Variants in PHF21B observed in about 807,000 individuals in gnomAD.
PHF21B encodes PHD finger protein 21B, also known as PHD finger protein 4.
Under a neutral mutation model 62.2 loss-of-function variants are expected in PHF21B, and 22 were observed. The observed-to-expected ratio is 0.35, with a 90% CI of 0.25 to 0.51. The LOEUF is 0.51. PHF21B is among the 20% of genes least tolerant of loss of function. PHF21B has a pLI of 0.97. For missense variants in PHF21B, 701 were observed against 707.9 expected (o/e 0.99, Z 0.11); for synonymous variants, 341 against 314.7 (o/e 1.08, Z -0.88).
chr22:44,903,204 C>T (rs114762803), intron 5 of PHF21B, among the ~76,000 whole-genome samples: 5,401 of 152,276 alleles, frequency 0.035, 292 homozygotes, highest in African/African-American at 0.12. Context: ...TCACCTGACC[C>T]AGCCCTGTCT....
At chr22:44,980,064 GTC>G (rs2072810479) in intron 2 of PHF21B, among the ~76,000 whole-genome samples, 1 of 57,946 alleles carries the variant, frequency 1.7e-5, no homozygotes, top group African/African-American at 8.1e-5. Context: ...GCAAGACTTC[GTC>G]TCAAAAAAAA....
At chr22:44,989,943 G>A (rs1050648197) in intron 2 of PHF21B, among the ~76,000 whole-genome samples, 8 of 152,168 alleles carry the variant, frequency 5.3e-5, no homozygotes, top group Admixed American at 3.3e-4. Flanking sequence ...CGTGTTTAAC[G>A]CCAATGCAAA....
intron 2 of PHF21B, among the ~76,000 whole-genome samples, chr22:44,975,453 C>T (rs2072719346): frequency 1.3e-5 from 2 of 152,230 alleles, no homozygotes; most frequent in African/African-American, 2.4e-5. Context: ...TCCCTCTAGG[C>T]CTGGTGACAT....
At chr22:44,952,716 T>C (rs1466885008) in intron 2 of PHF21B, among the ~76,000 whole-genome samples, 1 of 152,204 alleles carries the variant, frequency 6.6e-6, no homozygotes, top group Non-Finnish European at 1.5e-5. Context: ...GAGAAGAGTA[T>C]AAGAGTCTGA....
intron 2 of PHF21B, among the ~76,000 whole-genome samples, chr22:44,955,863 G>C (rs1479155260): frequency 6.6e-6 from 1 of 152,190 alleles, no homozygotes; most frequent in African/African-American, 2.4e-5. Flanking sequence ...ACTGATGTGG[G>C]TGCTTAGAAT....
At chr22:44,904,755 G>C (rs1388674064) in intron 5 of PHF21B, among the ~76,000 whole-genome samples, 1 of 131,390 alleles carries the variant, frequency 7.6e-6, no homozygotes, top group African/African-American at 2.9e-5. Flanking sequence ...GGAGCCACAG[G>C]CTGCAGAAAA....
At chr22:44,931,590 AAC>A (rs1876621798) in intron 2 of PHF21B, among the ~76,000 whole-genome samples, 1 of 149,460 alleles carries the variant, frequency 6.7e-6, no homozygotes. Flanking sequence ...TTAGCAAAAA[AAC>A]ACACACTCTG....
At chr22:44,985,577 A>C (rs567839631) in intron 2 of PHF21B, among the ~76,000 whole-genome samples, 1 of 152,256 alleles carries the variant, frequency 6.6e-6, no homozygotes, top group East Asian at 1.9e-4. Context: ...CACCCTGGGC[A>C]AGAAAACAAG....
intron 2 of PHF21B, among the ~76,000 whole-genome samples, chr22:44,926,349 G>C (rs2071631894): frequency 6.6e-6 from 1 of 152,262 alleles, no homozygotes; most frequent in Non-Finnish European, 1.5e-5. Flanking sequence ...GCCCCGGGGA[G>C]GAGAAATTTC....
At position 44,889,184 on chromosome 22, in the gene PHF21B, A is replaced by G. The variant is rs796731307; in HGVS notation, c.1038+576T>C. ...GAATTAGATCAGAAATTCAGTGAAGAAAAACACTGAATAAATTCTGAGATC... is the reference window on the plus strand; with the variant it reads ...GAATTAGATCAGAAATTCAGTGAAGGAAAACACTGAATAAATTCTGAGATC... On this transcript the variant is annotated intron_variant, in intron 9 of 12. Coordinates refer to ENST00000313237, the MANE Select transcript of PHF21B (RefSeq NM_138415.5). 2.6e-5 allele frequency among the ~76,000 whole-genome samples: 4 copies of G among 152,340 alleles called. No homozygotes were observed. The South Asian group carries it at 8.3e-4, about 32-fold the overall frequency.
In PHF21B at chr22:44,914,017, G is replaced by T; in HGVS notation, c.636C>A (p.Pro212=). The change falls in exon 5 of 13, where the codon CCC becomes CCA. Residue 212 remains proline, a synonymous_variant. Transcript: ENST00000313237. ...ACAGTGATGGGGAGGGAGGGGTGAG[G>T]GGAAGAGAGGAGGGGTGGAGGGGAC... ...HHCPLHPSSL[P]LTPPSPSLSP... 6.9e-7 allele frequency: 1 copy of T among 1,442,830 alleles called. No homozygotes were observed. The highest frequency in any genetic ancestry group is 9.7e-7 in the Non-Finnish European group (1 of 1,029,026). The allele number at this position is 1,442,830 out of a possible 1,614,324, so 89.4% of individuals were successfully genotyped here. A position where few individuals can be genotyped will look rare whatever the true frequency, so the allele number is the denominator to read the frequency against.
chr22:44,922,255 G>A (rs1040548771), intron 2 of PHF21B, among the ~76,000 whole-genome samples: 49 of 152,312 alleles, frequency 3.2e-4, no homozygotes, highest in Non-Finnish European at 4.0e-4. Flanking sequence ...AAGAAAAACC[G>A]TATGCCGGCC....
chr22:44,929,589 G>C (rs966740508), intron 2 of PHF21B, among the ~76,000 whole-genome samples: 12 of 152,222 alleles, frequency 7.9e-5, no homozygotes, highest in Admixed American at 2.0e-4. Context: ...CTTCTGGACT[G>C]GCGCTGGTCA....
Position 45,009,487 on chromosome 22 carries a change from G to A in PHF21B, c.54+9C>T, listed in dbSNP as rs778656318. The A allele has an allele frequency of 9.0e-5, 138 of 1,538,114 alleles. No individual in the cohort carries two copies. The highest frequency in any genetic ancestry group is 1.1e-4 in the Non-Finnish European group (131 of 1,149,656). ...TCCCCGGCCCCGGGCCCGGCCCCCGGCCACCTACCTGGTGGCGCGCGAGTT... is the reference window on the plus strand; with the variant it reads ...TCCCCGGCCCCGGGCCCGGCCCCCGACCACCTACCTGGTGGCGCGCGAGTT... On this transcript the variant is annotated intron_variant, in intron 1 of 12. Coordinates refer to ENST00000313237, the MANE Select transcript of PHF21B (RefSeq NM_138415.5). The surrounding 1 kb of genome is among the most constrained non-coding windows in gnomAD (Gnocchi z 5.9).
At chr22:45,008,965 C>T in intron 1 of PHF21B, 1 of 1,077,910 alleles carries the variant, frequency 9.3e-7, no homozygotes, top group Non-Finnish European at 1.1e-6. Flanking sequence ...GTAAACACGG[C>T]GAGTCCGTGT....
chr22:44,921,228 G>A (rs1467647572), intron 2 of PHF21B, among the ~76,000 whole-genome samples: 2 of 152,210 alleles, frequency 1.3e-5, no homozygotes, highest in Non-Finnish European at 2.9e-5. Flanking sequence ...AAGGAGAAGG[G>A]AGATGGCACC....
Position 44,916,347 on chromosome 22 carries a change from C to G in PHF21B, c.497G>C (p.Ser166Thr). ...GTCACTGACCACAGACACGGCGGTG[C>G]TGGGGGCCATGGCGGCGGCATTGCT... ...SPSNAAAMAP[S>T]TAVSVVSDSI... is the part of the protein sequence containing the mutation. Residue 166 changes from serine to threonine, a missense_variant, in exon 4 of 13, where the codon AGC (serine) becomes ACC (threonine). Physicochemically the swap from Ser to Thr is moderately conservative, Grantham distance 58. Coordinates refer to ENST00000313237, the MANE Select transcript of PHF21B (RefSeq NM_138415.5). 1 of 1,598,340 alleles carries G rather than the reference C, an allele frequency of 6.3e-7. No homozygotes were observed. The highest frequency in any genetic ancestry group is 8.5e-7 in the Non-Finnish European group (1 of 1,176,776).
chr22:45,003,939 G>A (rs1174567682), intron 2 of PHF21B, among the ~76,000 whole-genome samples: 1 of 152,008 alleles, frequency 6.6e-6, no homozygotes, highest in African/African-American at 2.4e-5. Flanking sequence ...TATATACATA[G>A]CATAATCATA....
chr22:44,992,237 T>C (rs1281232060), intron 2 of PHF21B, among the ~76,000 whole-genome samples: 1 of 152,212 alleles, frequency 6.6e-6, no homozygotes, highest in Admixed American at 6.5e-5. Context: ...CTTGGAGTGT[T>C]TGAACAGAAG....
Sources: gnomAD v4.1 joint callset for allele counts (sites outside exome capture counted in the v4.1 genomes callset) on GRCh38, gnomAD v4.1.1 for gene constraint, Gnocchi (gnomAD v3.1) non-coding constraint, MANE v1.5 for transcripts, NCBI Gene and HGNC (gene_info 2026-07-23, HGNC 2026-07-21) for gene names.